Variants in MYD88 observed in about 807,000 individuals in gnomAD.
The protein encoded by MYD88 is myeloid differentiation primary response protein MyD88.
A neutral mutation model predicts 31.1 loss-of-function variants in MYD88; 15 were observed. The observed-to-expected ratio is 0.48, with a 90% CI of 0.32 to 0.74. MYD88 has a LOEUF of 0.74. Among genes scored for constraint, MYD88 ranks in the 30% least tolerant of loss-of-function variants. The probability of loss-of-function intolerance (pLI) is 0.03; values close to 1 mark genes in which losing one functional copy is unlikely to be tolerated. For synonymous variants in MYD88, 157 were observed against 158.8 expected (o/e 0.99, Z 0.08); for missense variants, 308 against 387.4 (o/e 0.79, Z 1.72).
Position 38,140,515 on chromosome 3 carries a change from T to C in MYD88, c.591T>C (p.Asp197=), listed in dbSNP as rs551708165. 5.6e-6 allele frequency: 9 copies of C among 1,614,244 alleles called. No homozygotes were observed. In the South Asian group the frequency reaches 6.6e-5, roughly 12 times the overall value. The change falls in exon 3 of 5, where the codon GAT becomes GAC. Residue 197 remains aspartate (D), a synonymous_variant. Transcript: ENST00000650905. ...TGAAGTTGTGTGTGTCTGACCGCGA[T>C]GTCCTGCCTGGCACCTGTGTCTGGT... ...YRLKLCVSDR[D]VLPGTCVWSI... is the part of the protein sequence containing the mutation.
chr3:38,139,986 G>C lies in MYD88; in HGVS notation c.451G>C (p.Asp151His), dbSNP rs2125777755. 2 of 1,613,632 alleles carry C rather than the reference G, an allele frequency of 1.2e-6. No homozygotes were observed. Among genetic ancestry groups the C allele is most frequent in the Middle Eastern group, 1.7e-4 (1 of 5,924 alleles). ...TAELAGITTL[D>H]DPLGHMPERF... ...AGAGCTGGCGGGCATCACCACACTTGATGACCCCCTGGGTAAGGGTCCAAT... is the reference window on the plus strand; with the variant it reads ...AGAGCTGGCGGGCATCACCACACTTCATGACCCCCTGGGTAAGGGTCCAAT... The change falls in exon 2 of 5, where the codon GAT becomes CAT. Residue 151 changes from aspartate to histidine, a missense_variant. Physicochemically the swap from Asp to His is moderately conservative, Grantham distance 81. Transcript: ENST00000650905. This position sits in a 1 kb window ranked among gnomAD's most constrained non-coding sequence, Gnocchi z 4.7.
intron 4 of MYD88, 66 bp downstream of exon 4, chr3:38,140,914 C>T: frequency 1.3e-6 from 2 of 1,499,458 alleles, no homozygotes; most frequent in East Asian, 2.3e-5. Flanking sequence ...GGATTGTCAG[C>T]CTTCCCTCCC....
chr3:38,139,990 A>G lies in MYD88; in HGVS notation c.455A>G (p.Asp152Gly), dbSNP rs772098418. 1.4e-5 allele frequency: 22 copies of G among 1,613,360 alleles called. No homozygotes were observed. The highest frequency in any genetic ancestry group is 4.0e-5 in the African/African-American group (3 of 74,896). Residue 152 changes from aspartate to glycine, a missense_variant, in exon 2 of 5, where the codon GAC (aspartate) becomes GGC (glycine). Coordinates refer to ENST00000650905, the MANE Select transcript of MYD88 (RefSeq NM_002468.5). The surrounding 1 kb of genome is among the most constrained non-coding windows in gnomAD (Gnocchi z 4.7). ...AELAGITTLD[D>G]PLGHMPERFD... ...CTGGCGGGCATCACCACACTTGATG[A>G]CCCCCTGGGTAAGGGTCCAATACTG...
chr3:38,140,703 G>T (rs1701057510), intron 3 of MYD88, 54 bp from the exon 4 acceptor site: 1 of 1,599,234 alleles, frequency 6.3e-7, no homozygotes, highest in Non-Finnish European at 8.6e-7. Flanking sequence ...TATTCCCAGG[G>T]GATATGCTGA....
At chr3:38,140,953 C>A in intron 4 of MYD88, 105 bp downstream of exon 4, 1 of 1,374,002 alleles carries the variant, frequency 7.3e-7, no homozygotes, top group East Asian at 2.3e-5. Flanking sequence ...TACCAAAGAA[C>A]TGCTGAAGAT....
At position 38,140,449 on chromosome 3, in the gene MYD88, G is replaced by A. The variant is rs760919903; in HGVS notation, c.525G>A (p.Val175=). 5.0e-6 allele frequency: 8 copies of A among 1,614,254 alleles called. No individual in the cohort carries two copies. Among genetic ancestry groups the A allele is most frequent in the Admixed American group, 3.3e-5 (2 of 60,032 alleles). The change falls in exon 3 of 5, where the codon GTG becomes GTA. Residue 175 remains valine (V), a synonymous_variant. Transcript: ENST00000650905. ...ATTGCCCCAGCGACATCCAGTTTGT[G>A]CAGGAGATGATCCGGCAACTGGAAC... ...ICYCPSDIQF[V]QEMIRQLEQT... is the part of the protein sequence containing the mutation.
Position 38,141,154 on chromosome 3 carries a change from C to T in MYD88, c.759C>T (p.Ile253=), listed in dbSNP as rs777953448. The change falls in exon 5 of 5, where the codon ATC becomes ATT. Residue 253 remains isoleucine (I), a synonymous_variant. Coordinates refer to ENST00000650905, the MANE Select transcript of MYD88 (RefSeq NM_002468.5). The part of the protein sequence containing the change: ...LSPGAHQKRL[I]PIKYKAMKKE... Reference sequence around the variant, plus strand: ...CAGGTGCCCATCAGAAGCGACTGATCCCCATCAAGTACAAGGCAATGAAGA... The same window carrying T: ...CAGGTGCCCATCAGAAGCGACTGATTCCCATCAAGTACAAGGCAATGAAGA... The T allele has an allele frequency of 6.2e-7, 1 of 1,614,182 alleles. No individual in the cohort carries two copies. The highest frequency in any genetic ancestry group is 1.3e-5 in the African/African-American group (1 of 75,042).
At chr3:38,140,308 C>T in intron 2 of MYD88, 80 bp from the exon 3 acceptor site, 1 of 1,524,094 alleles carries the variant, frequency 6.6e-7, no homozygotes, top group Non-Finnish European at 9.0e-7. Context: ...CCAGGGTTGC[C>T]TAGGCAGGGG....
rs749723040 is a variant in MYD88, at chr3:38,138,819, G to T, written c.119G>T (p.Arg40Leu). Residue 40 changes from arginine to leucine, a missense_variant, in exon 1 of 5, where the codon CGG (arginine) becomes CTG (leucine). Coordinates refer to ENST00000650905, the MANE Select transcript of MYD88 (RefSeq NM_002468.5). This position sits in a 1 kb window ranked among gnomAD's most constrained non-coding sequence, Gnocchi z 6.4. ...CGCCTGTCTCTGTTCTTGAACGTGC[G>T]GACACAGGTGGCGGCCGACTGGACC... ...RRRLSLFLNV[R>L]TQVAADWTAL... 6.2e-7 allele frequency: 1 copy of T among 1,613,718 alleles called. No homozygotes were observed. Among genetic ancestry groups the T allele is most frequent in the Admixed American group, 1.7e-5 (1 of 60,024 alleles).
In MYD88 at chr3:38,138,856, G is replaced by C. The variant is rs1417201017; in HGVS notation, c.156G>C (p.Glu52Asp). ...QVAADWTALA[E>D]EMDFEYLEIR... Reference sequence around the variant, plus strand: ...CGGCCGACTGGACCGCGCTGGCGGAGGAGATGGACTTTGAGTACTTGGAGA... The same window carrying C: ...CGGCCGACTGGACCGCGCTGGCGGACGAGATGGACTTTGAGTACTTGGAGA... The change falls in exon 1 of 5, where the codon GAG becomes GAC. Residue 52 changes from glutamate to aspartate, a missense_variant. By Grantham distance (45) the Glu-to-Asp change is conservative (BLOSUM62 2). Transcript: ENST00000650905. This position sits in a 1 kb window ranked among gnomAD's most constrained non-coding sequence, Gnocchi z 6.4. The C allele has an allele frequency of 1.1e-5, 18 of 1,613,850 alleles. No homozygotes were observed. The highest frequency in any genetic ancestry group is 1.1e-5 in the Non-Finnish European group (13 of 1,180,024).
chr3:38,138,686 C>T lies in MYD88; in HGVS notation c.-15C>T. 1.3e-6 allele frequency: 2 copies of T among 1,592,368 alleles called. No individual in the cohort carries two copies. Among genetic ancestry groups the T allele is most frequent in the East Asian group, 2.2e-5 (1 of 44,556 alleles). On this transcript the variant is annotated 5_prime_UTR_variant, in exon 1 of 5. Coordinates refer to ENST00000650905, the MANE Select transcript of MYD88 (RefSeq NM_002468.5). The surrounding 1 kb of genome is among the most constrained non-coding windows in gnomAD (Gnocchi z 6.4). ...AATGCGACCCGACCGCGCTGAGGCTCCAGGACCGCCCGCCATGGCTGCAGG... is the reference window on the plus strand; with the variant it reads ...AATGCGACCCGACCGCGCTGAGGCTTCAGGACCGCCCGCCATGGCTGCAGG...
Position 38,142,330 on chromosome 3 carries a change from A to G in MYD88, c.*1044A>G, listed in dbSNP as rs1286488010. ...CATATATGTACAGACATGTACTCTC[A>G]CACACACAGGCACCAGCATACACAC... On this transcript the variant is annotated 3_prime_UTR_variant, in exon 5 of 5. Coordinates refer to ENST00000650905, the MANE Select transcript of MYD88 (RefSeq NM_002468.5). 2.6e-5 allele frequency: 6 copies of G among 233,178 alleles called. No individual in the cohort carries two copies. The highest frequency in any genetic ancestry group is 4.2e-5 in the Non-Finnish European group (5 of 118,090). 14.4% of individuals were successfully genotyped at this position (233,178 alleles called of 1,614,324 possible).
Position 38,139,596 on chromosome 3 carries a change from C to T in MYD88, c.329-268C>T. ...GAAGCAGACCTACCTTGGTACCATT[C>T]TTAGGATCCCTAGGAAGGGACAGAG... is the stretch of plus-strand genomic sequence containing the variant. On this transcript the variant is annotated intron_variant, in intron 1 of 4. Coordinates refer to ENST00000650905, the MANE Select transcript of MYD88 (RefSeq NM_002468.5). The surrounding 1 kb of genome is among the most constrained non-coding windows in gnomAD (Gnocchi z 4.7). 1.9e-6 allele frequency: 1 copy of T among 516,556 alleles called. No individual in the cohort carries two copies. The highest frequency in any genetic ancestry group is 2.0e-5 in the South Asian group (1 of 49,772). 32.0% of individuals were successfully genotyped at this position (516,556 alleles called of 1,614,324 possible).
At position 38,139,362 on chromosome 3, in the gene MYD88, A is replaced by G; in HGVS notation, c.328+334A>G. On this transcript the variant is annotated intron_variant, in intron 1 of 4. Coordinates refer to ENST00000650905, the MANE Select transcript of MYD88 (RefSeq NM_002468.5). The surrounding 1 kb of genome is among the most constrained non-coding windows in gnomAD (Gnocchi z 4.7). Reference sequence around the variant, plus strand: ...GGACAGGTGGGGCGATTGACAGTGGACTGTCTTAGAAACCTCAAGTCCTGG... The same window carrying G: ...GGACAGGTGGGGCGATTGACAGTGGGCTGTCTTAGAAACCTCAAGTCCTGG... 2.2e-6 allele frequency: 1 copy of G among 460,846 alleles called. No individual in the cohort carries two copies. Among genetic ancestry groups the G allele is most frequent in the Non-Finnish European group, 3.9e-6 (1 of 254,670 alleles). 28.5% of individuals were successfully genotyped at this position (460,846 alleles called of 1,614,324 possible). A position where few individuals can be genotyped will look rare whatever the true frequency, so the allele number is the denominator to read the frequency against.
At chr3:38,141,111 A>C in intron 4 of MYD88, 21 bp from the exon 5 acceptor site, 1 of 1,614,178 alleles carries the variant, frequency 6.2e-7, no homozygotes, top group African/African-American at 1.3e-5. Context: ...TGATGCCAGC[A>C]TGGCACCCCT....
rs117949194 is a variant in MYD88 at position 38,140,608 on chromosome 3, A to T, written c.644+40A>T. ...CACGGGGTGGGTGCGTGGATGCATG[A>T]AGCCCTGCCCTGGGGTCCAGATACT... On this transcript the variant is annotated intron_variant, in intron 3 of 4. Transcript: ENST00000650905. The T allele has an allele frequency of 1.4e-5, 22 of 1,613,610 alleles. No individual in the cohort carries two copies. In the East Asian group the frequency reaches 4.7e-4, roughly 34 times the overall value.
chr3:38,140,191 T>A, intron 2 of MYD88, 193 bp downstream of exon 2: 5 of 950,190 alleles, frequency 5.3e-6, no homozygotes, highest in Non-Finnish European at 8.1e-6. Flanking sequence ...CATGAAATAA[T>A]GTCTGTCTCG....
chr3:38,141,424 C>T lies in MYD88; in HGVS notation c.*138C>T, dbSNP rs543907076. On this transcript the variant is annotated 3_prime_UTR_variant, in exon 5 of 5. Transcript: ENST00000650905. ...CCTGGAGATGCCAACTTCACAGACA[C>T]GTCTGCAGCAGCTGGACATCACATT... 6.8e-5 allele frequency: 79 copies of T among 1,154,612 alleles called. No individual in the cohort carries two copies. The highest frequency in any genetic ancestry group is 2.5e-4 in the South Asian group (20 of 80,550). The allele number at this position is 1,154,612 out of a possible 1,614,324, so 71.5% of individuals were successfully genotyped here.
chr3:38,141,317 A>C lies in MYD88; in HGVS notation c.*31A>C, dbSNP rs746027655. On this transcript the variant is annotated 3_prime_UTR_variant, in exon 5 of 5. Coordinates refer to ENST00000650905, the MANE Select transcript of MYD88 (RefSeq NM_002468.5). ...GTTCTGAGGCCCTGGGTGTGTGTGT[A>C]TCTGTCTGCCTGTCCATGTACTTCT... is the stretch of plus-strand genomic sequence containing the variant. 1.9e-6 allele frequency: 3 copies of C among 1,613,848 alleles called. No individual in the cohort carries two copies. The highest frequency in any genetic ancestry group is 2.5e-6 in the Non-Finnish European group (3 of 1,179,758).
Sources: gnomAD v4.1 joint callset for allele counts on GRCh38, gnomAD v4.1.1 for gene constraint, Gnocchi (gnomAD v3.1) non-coding constraint, MANE v1.5 for transcripts, NCBI Gene and HGNC (gene_info 2026-07-23, HGNC 2026-07-21) for gene names.